Variants in SPATA13 observed in about 807,000 individuals in gnomAD.
SPATA13 encodes the protein spermatogenesis associated 13, also known as spermatogenesis-associated protein 13.
In SPATA13, 50 loss-of-function variants were observed where a neutral mutation model predicts 104.0. The observed-to-expected ratio is 0.48, with a 90% CI of 0.38 to 0.61. The LOEUF is 0.61. Among genes scored for constraint, SPATA13 ranks in the 20% least tolerant of loss-of-function variants. The pLI, the probability that SPATA13 is intolerant of heterozygous loss-of-function variation, is 0.00. For synonymous variants in SPATA13, 606 were observed against 667.5 expected, an observed-to-expected ratio of 0.91 and a Z score of 1.42; for missense variants, 1,524 against 1,690.6, an observed-to-expected ratio of 0.90 and a Z score of 1.73.
intron 3 of SPATA13, among the ~76,000 whole-genome samples, chr13:24,083,520 T>C (rs1468394353): frequency 6.6e-6 from 1 of 152,236 alleles, no homozygotes; most frequent in Admixed American, 6.5e-5. Context: ...TGGCTAGCTC[T>C]CTGTGGAGTT....
intron 2 of SPATA13, among the ~76,000 whole-genome samples, chr13:24,226,871 C>A (rs546959013): frequency 3.3e-5 from 5 of 152,202 alleles, no homozygotes; most frequent in South Asian, 2.1e-4. Context: ...AGAGTACTTT[C>A]AGATTGAGAT....
At chr13:24,057,930 C>T (rs758455198) in intron 3 of SPATA13, among the ~76,000 whole-genome samples, 7 of 151,678 alleles carry the variant, frequency 4.6e-5, no homozygotes, top group East Asian at 1.9e-4. Context: ...CCTAACTCCA[C>T]GTTATTATAT....
Position 24,295,954 on chromosome 13 carries a change from T to G in SPATA13, c.3210+1086T>G, listed in dbSNP as rs373269830. On this transcript the variant is annotated intron_variant, in intron 10 of 12. Coordinates refer to ENST00000382108, the MANE Select transcript of SPATA13 (RefSeq NM_001166271.3). ...CCAAGCAGGCACCCTGGCTTCAAAG[T>G]CCGTGCTGGTGATCACTGTGCTCTA... Among the ~76,000 whole-genome samples, 32 of 152,222 alleles carry G rather than the reference T, an allele frequency of 2.1e-4. No individual in the cohort carries two copies. The East Asian group carries it at 4.8e-3, about 23-fold the overall frequency.
intron 9 of SPATA13, among the ~76,000 whole-genome samples, chr13:24,293,791 T>A (rs1490737371): frequency 1.3e-5 from 2 of 152,324 alleles, no homozygotes; most frequent in South Asian, 4.1e-4. Flanking sequence ...GACAGCAGGG[T>A]CTGCTTGGTG....
At position 24,302,206 on chromosome 13, in the gene SPATA13, T is replaced by G. The variant is rs76901609; in HGVS notation, c.3659-392T>G. Among the ~76,000 whole-genome samples, 70 of 152,296 alleles carry G rather than the reference T, an allele frequency of 4.6e-4. 1 individual carries two copies. In the East Asian group the frequency reaches 0.013, roughly 29 times the overall value. On this transcript the variant is annotated intron_variant, in intron 12 of 12. Transcript: ENST00000382108. ...TTTGGGAGAGTTCAGTGAGAGAGAC[T>G]GTGTCACGCTCCACACGGAGTACCT...
At chr13:24,276,967 T>A (rs376601649) in intron 4 of SPATA13, among the ~76,000 whole-genome samples, 2 of 152,236 alleles carry the variant, frequency 1.3e-5, no homozygotes, top group South Asian at 2.1e-4. Context: ...CAAATTGCTA[T>A]TTCCCCATCA....
intron 4 of SPATA13, chr13:24,278,482 T>A (rs1451132461): frequency 4.3e-6 from 2 of 470,470 alleles, no homozygotes; most frequent in East Asian, 8.0e-5. Flanking sequence ...CTTATTATGT[T>A]GCCCAGCTTG....
chr13:24,232,452 C>G (rs1872331570), intron 2 of SPATA13, among the ~76,000 whole-genome samples: 1 of 152,356 alleles, frequency 6.6e-6, no homozygotes, highest in East Asian at 1.9e-4. Context: ...TATCAGCCTT[C>G]TGGGGATTCT....
rs1555271418 is a variant in SPATA13, at chr13:24,237,973, C to CAATATATAAACATACATGTTTAAATATGT, written c.1654-11491_1654-11490insACATGTTTAAATATGTAATATATAAACAT. 5.6e-3 allele frequency among the ~76,000 whole-genome samples: 777 copies of CAATATATAAACATACATGTTTAAATATGT among 139,890 alleles called. 74 individuals carry two copies. The highest frequency in any genetic ancestry group is 8.3e-3 in the Non-Finnish European group (530 of 64,104). The allele number at this position is 139,890 out of a possible 152,430, so 91.8% of individuals were successfully genotyped here. On this transcript the variant is annotated intron_variant, in intron 2 of 12. Coordinates refer to ENST00000382108, the MANE Select transcript of SPATA13 (RefSeq NM_001166271.3). ...ATATAAACATACATGTTTAAATATG[C>CAATATATAAACATACATGTTTAAATATGT]AATATATAAACATGTATAATATATA...
intron 1 of SPATA13, among the ~76,000 whole-genome samples, chr13:24,185,549 G>A (rs2793483): frequency 0.64 from 97,547 of 152,026 alleles, 31,373 homozygotes; most frequent in Non-Finnish European, 0.66. Context: ...ATAGCCTTCT[G>A]TAATTTTGAC....
chr13:24,291,748 A>AATT (rs1261498730), intron 9 of SPATA13, among the ~76,000 whole-genome samples: 267 of 11,926 alleles, frequency 0.022, no homozygotes, highest in Non-Finnish European at 0.036. Context: ...TTATTTTTTT[A>AATT]TTTTTTTATT....
At chr13:24,208,365 C>T (rs1306891909) in intron 1 of SPATA13, among the ~76,000 whole-genome samples, 1 of 152,172 alleles carries the variant, frequency 6.6e-6, no homozygotes, top group Non-Finnish European at 1.5e-5. Context: ...AGTTGCACCA[C>T]TGTGGAATAA....
At chr13:24,220,524 A>G (rs906825428) in intron 1 of SPATA13, among the ~76,000 whole-genome samples, 2 of 152,222 alleles carry the variant, frequency 1.3e-5, no homozygotes, top group Non-Finnish European at 2.9e-5. Context: ...ATGAGGTTGG[A>G]TAGGTGATAT....
intron 8 of SPATA13, among the ~76,000 whole-genome samples, chr13:24,290,050 A>T (rs1401574109): frequency 6.6e-6 from 1 of 152,204 alleles, no homozygotes; most frequent in Non-Finnish European, 1.5e-5. Context: ...TGGCCTGTGC[A>T]GAAGGTTCCT....
intron 3 of SPATA13, among the ~76,000 whole-genome samples, chr13:24,103,484 C>CAAAAAAAAAAAAAAA (rs34983901): frequency 1.4e-5 from 1 of 69,860 alleles, no homozygotes; most frequent in African/African-American, 6.9e-5. Flanking sequence ...GACCCTGTCT[C>CAAAAAAAAAAAAAAA]AAAAAAAAAA....
Position 24,297,700 on chromosome 13 carries a change from A to T in SPATA13, c.3548A>T (p.Asp1183Val), listed in dbSNP as rs777835504. ...DKARWLQACA[D>V]ERRRVQEDKE... ...GCGAGGTGGCTGCAGGCCTGTGCAG[A>T]TGAAAGGAGGCGGGTGCAAGAGGAC... is the stretch of plus-strand genomic sequence containing the variant. Residue 1183 changes from aspartate to valine, a missense_variant, in exon 11 of 13, where the codon GAT becomes GTT. By Grantham distance (152) the Asp-to-Val change is radical. Around this residue, in one of 2 missense-constraint regions of SPATA13, gnomAD observed 435 missense variants for 554.8 expected, o/e 0.78. Transcript: ENST00000382108. 2.5e-6 allele frequency: 4 copies of T among 1,613,552 alleles called. No homozygotes were observed. The South Asian group carries it at 4.4e-5, about 18-fold the overall frequency.
At chr13:24,157,274 A>G (rs918377237), upstream of SPATA13, among the ~76,000 whole-genome samples, 7 of 147,964 alleles carry the variant, frequency 4.7e-5, no homozygotes, top group East Asian at 9.8e-4. Flanking sequence ...CCAACCAGTC[A>G]GGTAACTCCT....
At chr13:24,072,825 C>CTTTTTTTGT (rs1268191710) in intron 3 of SPATA13, among the ~76,000 whole-genome samples, 2 of 120,652 alleles carry the variant, frequency 1.7e-5, no homozygotes, top group East Asian at 4.6e-4. Context: ...CTGTTGGCTC[C>CTTTTTTTGT]TTTTTTTTTT....
At chr13:24,190,086 CAT>C (rs1373436171) in intron 1 of SPATA13, among the ~76,000 whole-genome samples, 1 of 39,180 alleles carries the variant, frequency 2.6e-5, no homozygotes, top group African/African-American at 7.6e-5. Flanking sequence ...TATTATATAA[CAT>C]ATAATGATAT....
Sources: gnomAD v4.1 joint callset for allele counts (sites outside exome capture counted in the v4.1 genomes callset) on GRCh38, gnomAD v4.1.1 for gene constraint, gnomAD v4.1.1 regional missense constraint, MANE v1.5 for transcripts, NCBI Gene and HGNC (gene_info 2026-07-23, HGNC 2026-07-21) for gene names.